GALNT17: variants seen among roughly 807,000 people sequenced by gnomAD.
GALNT17 encodes UDP-GalNAc:polypeptide N-acetylgalactosaminyltransferase-like 3.
Under a neutral mutation model 63.7 loss-of-function variants are expected in GALNT17, and 29 were observed. The ratio of observed to expected loss-of-function variants is 0.46; its 90% CI spans 0.34 to 0.62. GALNT17 has a LOEUF of 0.62. Among genes scored for constraint, GALNT17 ranks in the 20% least tolerant of loss-of-function variants. The probability of loss-of-function intolerance (pLI) is 0.01; values close to 1 mark genes in which losing one functional copy is unlikely to be tolerated. For missense variants in GALNT17, 603 were observed against 799.6 expected (o/e 0.75, Z 2.97); for synonymous variants, 305 against 318.3 (o/e 0.96, Z 0.45).
chr7:71,174,254 A>G (rs1249068127), intron 1 of GALNT17, among the ~76,000 whole-genome samples: 1 of 152,080 alleles, frequency 6.6e-6, no homozygotes, highest in Non-Finnish European at 1.5e-5. Flanking sequence ...ATCTGAGCTG[A>G]GTGTTGATAC....
At chr7:71,201,696 C>CT (rs1322006820) in intron 1 of GALNT17, among the ~76,000 whole-genome samples, 1 of 150,412 alleles carries the variant, frequency 6.6e-6, no homozygotes, top group East Asian at 2.0e-4. Flanking sequence ...AAATGGCATG[C>CT]TTTCGGCTCA....
At chr7:71,451,852 A>G (rs1256155071) in intron 5 of GALNT17, among the ~76,000 whole-genome samples, 1 of 152,148 alleles carries the variant, frequency 6.6e-6, no homozygotes, top group Non-Finnish European at 1.5e-5. Context: ...TTTTAAATAT[A>G]AGCTTCTATT....
At chr7:71,142,387 C>T (rs1215224425) in intron 1 of GALNT17, among the ~76,000 whole-genome samples, 5 of 152,186 alleles carry the variant, frequency 3.3e-5, no homozygotes, top group Admixed American at 1.3e-4. Context: ...CTGCCATCCC[C>T]TGCTCCTCCT....
At chr7:71,377,489 C>G (rs1283505477) in intron 2 of GALNT17, among the ~76,000 whole-genome samples, 1 of 152,144 alleles carries the variant, frequency 6.6e-6, no homozygotes, top group Non-Finnish European at 1.5e-5. Context: ...GAGACTCACA[C>G]TGACAGTGAT....
At chr7:71,539,309 C>T (rs77754955) in intron 5 of GALNT17, among the ~76,000 whole-genome samples, 17,000 of 151,900 alleles carry the variant, frequency 0.11, 989 homozygotes, top group South Asian at 0.17. Flanking sequence ...TTGGAGGTTG[C>T]GGTTATTAAA....
intron 1 of GALNT17, among the ~76,000 whole-genome samples, chr7:71,263,748 C>G (rs1262639268): frequency 6.6e-6 from 1 of 151,908 alleles, no homozygotes; most frequent in Non-Finnish European, 1.5e-5. Context: ...ACGGTGAAAC[C>G]CCGTCTCTAC....
At chr7:71,200,341 C>T (rs1789143524) in intron 1 of GALNT17, among the ~76,000 whole-genome samples, 1 of 152,138 alleles carries the variant, frequency 6.6e-6, no homozygotes, top group Admixed American at 6.5e-5. Context: ...CATGCTCAAC[C>T]ATTAGAGAGC....
chr7:71,399,282 T>G (rs11979470), intron 3 of GALNT17, among the ~76,000 whole-genome samples: 6,848 of 152,210 alleles, frequency 0.045, 549 homozygotes, highest in African/African-American at 0.16. Flanking sequence ...TACCGATCAG[T>G]TTCTTTTCAA....
intron 6 of GALNT17, among the ~76,000 whole-genome samples, chr7:71,610,156 A>C (rs1460039020): frequency 6.6e-6 from 1 of 152,180 alleles, no homozygotes; most frequent in Non-Finnish European, 1.5e-5. Flanking sequence ...TATAGAATTA[A>C]ATAAAAAGAC....
chr7:71,463,140 G>A (rs1342570964), intron 5 of GALNT17, among the ~76,000 whole-genome samples: 3 of 152,166 alleles, frequency 2.0e-5, no homozygotes, highest in Non-Finnish European at 4.4e-5. Flanking sequence ...AGGACAGGGA[G>A]GGGAAGCATC....
At chr7:71,344,361 A>G (rs559607431) in intron 2 of GALNT17, among the ~76,000 whole-genome samples, 6 of 152,226 alleles carry the variant, frequency 3.9e-5, no homozygotes, top group Non-Finnish European at 8.8e-5. Flanking sequence ...CAGTTCTTGG[A>G]TTTTGGGATT....
At chr7:71,687,469 A>T (rs902965086) in intron 9 of GALNT17, among the ~76,000 whole-genome samples, 1 of 152,186 alleles carries the variant, frequency 6.6e-6, no homozygotes, top group Non-Finnish European at 1.5e-5. Context: ...TCCAGATGCT[A>T]TCATGTAAGT....
intron 6 of GALNT17, among the ~76,000 whole-genome samples, chr7:71,583,382 C>T (rs1789666016): frequency 6.6e-6 from 1 of 152,204 alleles, no homozygotes; most frequent in Non-Finnish European, 1.5e-5. Flanking sequence ...GCCTGAGCCA[C>T]CACATCTGGC....
intron 1 of GALNT17, among the ~76,000 whole-genome samples, chr7:71,280,001 T>C (rs1250997554): frequency 6.6e-6 from 1 of 152,162 alleles, no homozygotes; most frequent in Admixed American, 6.5e-5. Context: ...TTTTCTCTTT[T>C]TGTTTTCCCA....
intron 1 of GALNT17, among the ~76,000 whole-genome samples, chr7:71,247,732 C>G (rs1562945734): frequency 6.6e-6 from 1 of 152,170 alleles, no homozygotes; most frequent in Non-Finnish European, 1.5e-5. Flanking sequence ...GCTGCGATTA[C>G]AGGCATGAGC....
At chr7:71,684,154 G>T (rs752956423) in intron 9 of GALNT17, among the ~76,000 whole-genome samples, 10 of 152,184 alleles carry the variant, frequency 6.6e-5, no homozygotes, top group Non-Finnish European at 1.0e-4. Context: ...CTGCACCCAG[G>T]CCCAGGGTGG....
chr7:71,219,320 T>C (rs1323660731), intron 1 of GALNT17, among the ~76,000 whole-genome samples: 1 of 152,196 alleles, frequency 6.6e-6, no homozygotes, highest in East Asian at 1.9e-4. Context: ...ATTCTAGCCT[T>C]TACCAATATG....
chr7:71,655,773 G>A (rs1489154158), intron 6 of GALNT17, among the ~76,000 whole-genome samples: 2 of 152,100 alleles, frequency 1.3e-5, no homozygotes, highest in African/African-American at 4.8e-5. Flanking sequence ...ACATACTGTA[G>A]GGTAGATTTG....
intron 5 of GALNT17, among the ~76,000 whole-genome samples, chr7:71,545,221 C>T (rs1202550850): frequency 6.6e-6 from 1 of 152,116 alleles, no homozygotes; most frequent in East Asian, 1.9e-4. Context: ...TCTAAAGACT[C>T]TTCATTTCTA....
Sources: gnomAD v4.1 joint callset for allele counts (sites outside exome capture counted in the v4.1 genomes callset) on GRCh38, gnomAD v4.1.1 for gene constraint, MANE v1.5 for transcripts, NCBI Gene and HGNC (gene_info 2026-07-23, HGNC 2026-07-21) for gene names.